Variants in FUOM observed in about 807,000 individuals in gnomAD.
The protein encoded by FUOM is protein fucU homolog.
In FUOM, 19 loss-of-function variants were observed where a neutral mutation model predicts 18.3. The observed-to-expected ratio is 1.04, with a 90% CI of 0.73 to 1.53. FUOM has a LOEUF of 1.53. Ranked by LOEUF, FUOM falls within the 40% of genes most tolerant of loss-of-function variation. The pLI is 0.00. For synonymous variants in FUOM, 102 were observed against 87.9 expected (o/e 1.16, Z -0.90); for missense variants, 210 against 200.9 (o/e 1.04, Z -0.27).
At position 133,357,237 on chromosome 10, in the gene FUOM, A is replaced by C; in HGVS notation, c.104T>G (p.Phe35Cys). The C allele has an allele frequency of 6.3e-7, 1 of 1,581,510 alleles. No homozygotes were observed. Among genetic ancestry groups the C allele is most frequent in the South Asian group, 1.2e-5 (1 of 86,454 alleles). Reference sequence around the variant, plus strand: ...ACACTGGCAGATGGAGGAGGCCGGGAAGTTCAAGTCCGCAAGAACTAAACA... The same window carrying C: ...ACACTGGCAGATGGAGGAGGCCGGGCAGTTCAAGTCCGCAAGAACTAAACA... ...GDEIVLADLN[F>C]PASSICQCGP... Residue 35 changes from phenylalanine (F) to cysteine (C), a missense_variant, in exon 2 of 6, where the codon TTC becomes TGC. By Grantham distance (205) the Phe-to-Cys change is radical (BLOSUM62 -2). Transcript: ENST00000278025.
Position 133,356,752 on chromosome 10 carries a change from T to A in FUOM, c.226-14A>T. ...CATGACTGCAGCCTAGAGGGAGGGGTCAGCTCTGGGGCCCTGGGCACTGCC... is the reference window on the plus strand; with the variant it reads ...CATGACTGCAGCCTAGAGGGAGGGGACAGCTCTGGGGCCCTGGGCACTGCC... On this transcript the variant is annotated splice_polypyrimidine_tract_variant and intron_variant, in intron 3 of 5. Coordinates refer to ENST00000278025, the MANE Select transcript of FUOM (RefSeq NM_001098483.3). 5.8e-6 allele frequency: 9 copies of A among 1,554,838 alleles called. No homozygotes were observed. Among genetic ancestry groups the A allele is most frequent in the Non-Finnish European group, 7.8e-6 (9 of 1,149,170 alleles).
Position 133,357,909 on chromosome 10 carries a change from C to G in FUOM, c.85+14G>C. On this transcript the variant is annotated intron_variant, in intron 1 of 5. Transcript: ENST00000278025. ...CCCGGGGTGCTCCCCGAGGCCCCGG[C>G]CCGCTGCGCTCACCGATCTCGTCCC... The G allele has an allele frequency of 4.6e-6, 7 of 1,519,904 alleles. No homozygotes were observed. The highest frequency in any genetic ancestry group is 6.2e-6 in the Non-Finnish European group (7 of 1,137,922). The allele number at this position is 1,519,904 out of a possible 1,614,324, so 94.2% of individuals were successfully genotyped here.
downstream of FUOM, among the ~76,000 whole-genome samples, chr10:133,353,686 G>A (rs1453616881): frequency 6.6e-6 from 1 of 152,202 alleles, no homozygotes; most frequent in Non-Finnish European, 1.5e-5. Flanking sequence ...CACAATGTAA[G>A]AGCTGTTACC....
Position 133,355,349 on chromosome 10 carries a change from C to G in FUOM, c.*21G>C. 6.3e-7 allele frequency: 1 copy of G among 1,587,122 alleles called. No homozygotes were observed. Among genetic ancestry groups the G allele is most frequent in the East Asian group, 2.3e-5 (1 of 44,064 alleles). On this transcript the variant is annotated 3_prime_UTR_variant, in exon 6 of 6. Coordinates refer to ENST00000278025, the MANE Select transcript of FUOM (RefSeq NM_001098483.3). ...AGGGTGCCCCCAGTTCCTCTTCCGG[C>G]CCAGGTGGTCTTCACCAGGCCTACA...
At chr10:133,356,507 C>T (rs957650307) in intron 4 of FUOM, 133 bp downstream of exon 4, 25 of 575,304 alleles carry the variant, frequency 4.3e-5, no homozygotes, top group Non-Finnish European at 5.5e-5. Context: ...GCCAGTGGTC[C>T]GGGGTTCTCA....
At position 133,355,809 on chromosome 10, in the gene FUOM, T is replaced by C. The variant is rs1157001863; in HGVS notation, c.327A>G (p.Arg109=). 1 of 1,612,620 alleles carries C rather than the reference T, an allele frequency of 6.2e-7. No individual in the cohort carries two copies. Among genetic ancestry groups the C allele is most frequent in the South Asian group, 1.1e-5 (1 of 91,074 alleles). Residue 109 remains arginine, a splice_region_variant and synonymous_variant, in exon 5 of 6, where the codon AGA becomes AGG. Transcript: ENST00000278025. ...CAAACCTCTCTATCTTTGCCAGGGC[T>C]CTCTGGAAGACAAAATGGCAGGGTT... ...ESILRRAGCV[R]ALAKIERFEF... is the part of the protein sequence containing the mutation.
chr10:133,357,955 G>T lies in FUOM; in HGVS notation c.53C>A (p.Ala18Glu), dbSNP rs1312414522. 3 of 1,526,350 alleles carry T rather than the reference G, an allele frequency of 2.0e-6. No individual in the cohort carries two copies. The highest frequency in any genetic ancestry group is 1.8e-6 in the Non-Finnish European group (2 of 1,140,652). 94.6% of individuals were successfully genotyped at this position (1,526,350 alleles called of 1,614,324 possible). A position where few individuals can be genotyped will look rare whatever the true frequency, so the allele number is the denominator to read the frequency against. ...GTCCCCGTGCCCCATCCGCGCCAGC[G>T]CGTAGAGCAGCTCGGGGGACAGCAG... ...PALLSPELLY[A>E]LARMGHGDEI... Residue 18 changes from alanine to glutamate, a missense_variant, in exon 1 of 6, where the codon GCG becomes GAG. Physicochemically the swap from Ala to Glu is moderately radical, Grantham distance 107. Transcript: ENST00000278025.
At chr10:133,357,312 G>A (rs1848840942) in intron 1 of FUOM, 57 bp from the exon 2 acceptor site, 7 of 1,507,688 alleles carry the variant, frequency 4.6e-6, no homozygotes, top group East Asian at 2.5e-5. Context: ...CGGGGTCGGC[G>A]CCGCCCGTCC....
In FUOM at chr10:133,357,744, A is replaced by G. The variant is rs116230118; in HGVS notation, c.85+179T>C. On this transcript the variant is annotated intron_variant, in intron 1 of 5. Transcript: ENST00000278025. ...TCGGGCCGGCTCCGCCCAGAGCCCC[A>G]CGAGGTCTCAGTTCCCTAAAGAATG... The G allele has an allele frequency of 1.8e-3, 1,002 of 546,842 alleles. 8 individuals carry two copies. The highest frequency in any genetic ancestry group is 0.017 in the African/African-American group (849 of 49,352). 33.9% of individuals were successfully genotyped at this position (546,842 alleles called of 1,614,324 possible).
Position 133,357,909 on chromosome 10 carries a change from C to A in FUOM, c.85+14G>T. The A allele has an allele frequency of 6.6e-7, 1 of 1,519,904 alleles. No homozygotes were observed. Among genetic ancestry groups the A allele is most frequent in the Non-Finnish European group, 8.8e-7 (1 of 1,137,922 alleles). The allele number at this position is 1,519,904 out of a possible 1,614,324, so 94.2% of individuals were successfully genotyped here. A position where few individuals can be genotyped will look rare whatever the true frequency, so the allele number is the denominator to read the frequency against. ...CCCGGGGTGCTCCCCGAGGCCCCGG[C>A]CCGCTGCGCTCACCGATCTCGTCCC... On this transcript the variant is annotated intron_variant, in intron 1 of 5. Transcript: ENST00000278025.
chr10:133,354,094 C>T (rs1181047815), downstream of FUOM, among the ~76,000 whole-genome samples: 1 of 152,090 alleles, frequency 6.6e-6, no homozygotes, highest in Non-Finnish European at 1.5e-5. Flanking sequence ...GGCACACTAA[C>T]CCCAGAGGCT....
At chr10:133,357,673 G>C (rs999796297) in intron 1 of FUOM, 1 of 515,248 alleles carries the variant, frequency 1.9e-6, no homozygotes, top group Non-Finnish European at 3.4e-6. Context: ...GGGCAGCCCA[G>C]ACGCGAGGGC....
At chr10:133,353,117 A>T (rs373143482), downstream of FUOM, among the ~76,000 whole-genome samples, 1 of 152,210 alleles carries the variant, frequency 6.6e-6, no homozygotes. Context: ...AGCCTGAGAC[A>T]GGGTCGGGGA....
Position 133,355,382 on chromosome 10 carries a change from G to A in FUOM, c.453C>T (p.Asn151=). 6.2e-7 allele frequency: 1 copy of A among 1,606,808 alleles called. No homozygotes were observed. Among genetic ancestry groups the A allele is most frequent in the African/African-American group, 1.3e-5 (1 of 74,936 alleles). ...GTCTTCACCAGGCCTACAGCAGGGGGTTGAGGGCAAGCACCCCCTTCCTGA... is the reference window on the plus strand; with the variant it reads ...GTCTTCACCAGGCCTACAGCAGGGGATTGAGGGCAAGCACCCCCTTCCTGA... ...LILRKGVLAL[N]PLL The change falls in exon 6 of 6, where the codon AAC becomes AAT. Residue 151 remains asparagine (N), a synonymous_variant. Coordinates refer to ENST00000278025, the MANE Select transcript of FUOM (RefSeq NM_001098483.3).
chr10:133,357,372 A>G, intron 1 of FUOM, 117 bp from the exon 2 acceptor site: 1 of 1,057,266 alleles, frequency 9.5e-7, no homozygotes. Flanking sequence ...GTCTCAGGTC[A>G]GCCAGTTGGG....
intron 4 of FUOM, among the ~76,000 whole-genome samples, 184 bp downstream of exon 4, chr10:133,356,456 A>G (rs971512507): frequency 2.0e-5 from 3 of 152,178 alleles, no homozygotes; most frequent in African/African-American, 7.2e-5. Context: ...GAGGGGCCAC[A>G]CTGCCCAGGT....
At position 133,355,385 on chromosome 10, in the gene FUOM, G is replaced by A. The variant is rs1158650211; in HGVS notation, c.450C>T (p.Leu150=). 2 of 1,607,390 alleles carry A rather than the reference G, an allele frequency of 1.2e-6. No individual in the cohort carries two copies. The highest frequency in any genetic ancestry group is 3.4e-5 in the Admixed American group (2 of 59,606). ...NLILRKGVLA[L]NPLL is the part of the protein sequence containing the mutation. ...TTCACCAGGCCTACAGCAGGGGGTT[G>A]AGGGCAAGCACCCCCTTCCTGAGGA... The change falls in exon 6 of 6, where the codon CTC becomes CTT. Residue 150 remains leucine, a synonymous_variant. Transcript: ENST00000278025.
At position 133,357,264 on chromosome 10, in the gene FUOM, C is replaced by T. The variant is rs199933601; in HGVS notation, c.86-9G>A. The T allele has an allele frequency of 1.9e-6, 3 of 1,569,740 alleles. No homozygotes were observed. The highest frequency in any genetic ancestry group is 1.4e-5 in the African/African-American group (1 of 73,728). The stretch of plus-strand genomic sequence containing the variant: ...GTTCAAGTCCGCAAGAACTAAACAG[C>T]CGGGAGGACAGCCCGTGTCGGCACC... On this transcript the variant is annotated splice_polypyrimidine_tract_variant and intron_variant, in intron 1 of 5. Coordinates refer to ENST00000278025, the MANE Select transcript of FUOM (RefSeq NM_001098483.3).
rs1370514751 is a variant in FUOM, at chr10:133,357,180, C to T, written c.154+7G>A. 5 of 1,566,076 alleles carry T rather than the reference C, an allele frequency of 3.2e-6. No individual in the cohort carries two copies. Among genetic ancestry groups the T allele is most frequent in the East Asian group, 2.4e-5 (1 of 41,626 alleles). On this transcript the variant is annotated splice_region_variant and intron_variant, in intron 2 of 5. Coordinates refer to ENST00000278025, the MANE Select transcript of FUOM (RefSeq NM_001098483.3). ...GCCCTGCCCTGGGGGACCTGGGGCT[C>T]GCTCACCGTCTGCACGGATCTCCAT... is the stretch of plus-strand genomic sequence containing the variant.
Sources: allele counts gnomAD v4.1 joint callset (sites outside exome capture counted in the v4.1 genomes callset), GRCh38; gene constraint gnomAD v4.1.1; transcripts MANE v1.5; gene names NCBI Gene and HGNC (gene_info 2026-07-23, HGNC 2026-07-21).